The following ZNF385D variants were observed in gnomAD, a reference collection of about 807,000 sequenced individuals.
ZNF385D encodes zinc finger protein 385D, also known as zinc finger protein 659.
In ZNF385D, 15 loss-of-function variants were observed where a neutral mutation model predicts 35.8. That is an observed-to-expected ratio of 0.42 (90% CI 0.28 to 0.64). The LOEUF is 0.64. ZNF385D is among the 30% of genes least tolerant of loss of function. The pLI is 0.23. For missense variants in ZNF385D, 474 were observed against 494.6 expected (o/e 0.96, Z 0.39); for synonymous variants, 212 against 186.8 (o/e 1.13, Z -1.10).
intron 3 of ZNF385D, among the ~76,000 whole-genome samples, chr3:21,826,709 G>A (rs1034553086): frequency 6.6e-6 from 1 of 151,934 alleles, no homozygotes; most frequent in African/African-American, 2.4e-5. Flanking sequence ...CAAATAATTG[G>A]AGTCTTCCTG....
intron 2 of ZNF385D, among the ~76,000 whole-genome samples, chr3:21,574,046 G>A (rs1412391005): frequency 3.4e-5 from 4 of 118,664 alleles, no homozygotes; most frequent in Non-Finnish European, 6.8e-5. Context: ...CACAACAAGA[G>A]TGAAACTCCG....
chr3:21,771,539 A>G (rs2071078784), intron 3 of ZNF385D, among the ~76,000 whole-genome samples: 1 of 151,944 alleles, frequency 6.6e-6, no homozygotes, highest in African/African-American at 2.4e-5. Flanking sequence ...TGACAACTCT[A>G]CCAGACAAAA....
At chr3:21,893,402 G>A (rs1227917832) in intron 3 of ZNF385D, among the ~76,000 whole-genome samples, 1 of 152,054 alleles carries the variant, frequency 6.6e-6, no homozygotes, top group Non-Finnish European at 1.5e-5. Flanking sequence ...TTCTTAAATG[G>A]CACTCATGTC....
intron 3 of ZNF385D, among the ~76,000 whole-genome samples, chr3:21,992,997 T>C (rs1695235861): frequency 6.6e-6 from 1 of 152,204 alleles, no homozygotes; most frequent in South Asian, 2.1e-4. Flanking sequence ...GAATTTTCTC[T>C]CCTTTCAGAA....
intron 1 of ZNF385D, among the ~76,000 whole-genome samples, chr3:21,693,627 C>A (rs1460409601): frequency 6.6e-6 from 1 of 152,024 alleles, no homozygotes; most frequent in Non-Finnish European, 1.5e-5. Context: ...TGCTAAAATT[C>A]ATAAACCAAA....
intron 3 of ZNF385D, among the ~76,000 whole-genome samples, chr3:21,787,944 C>CAAAAAAAAAAAAAAAAAAAAAAAAAAAAA (rs560982379): frequency 1.3e-5 from 1 of 75,388 alleles, no homozygotes; most frequent in Non-Finnish European, 2.3e-5. Context: ...TTCGTCTCAA[C>CAAAAAAAAAAAAAAAAAAAAAAAAAAAAA]AAAAAAAAAA....
At chr3:21,604,922 T>A (rs1287582435) in intron 2 of ZNF385D, among the ~76,000 whole-genome samples, 1 of 152,208 alleles carries the variant, frequency 6.6e-6, no homozygotes, top group Non-Finnish European at 1.5e-5. Flanking sequence ...AATGAAATAT[T>A]TGTGGACAAA....
intron 3 of ZNF385D, among the ~76,000 whole-genome samples, chr3:21,806,856 CA>C (rs939291391): frequency 6.6e-6 from 1 of 151,922 alleles, no homozygotes; most frequent in Non-Finnish European, 1.5e-5. Context: ...CTTTGTGAAT[CA>C]AAAAAACAAA....
intron 2 of ZNF385D, among the ~76,000 whole-genome samples, chr3:22,170,331 G>C (rs1332659644): frequency 6.6e-6 from 1 of 152,162 alleles, no homozygotes; most frequent in Non-Finnish European, 1.5e-5. Context: ...TCAGGTAAAT[G>C]AGATAACAAA....
intron 2 of ZNF385D, among the ~76,000 whole-genome samples, chr3:22,321,503 C>G (rs1694429403): frequency 6.6e-6 from 1 of 151,800 alleles, no homozygotes; most frequent in Non-Finnish European, 1.5e-5. Context: ...GTAGCTGGGA[C>G]TACAGGGGCC....
chr3:22,025,605 G>A (rs931894670), intron 3 of ZNF385D, among the ~76,000 whole-genome samples: 2 of 152,114 alleles, frequency 1.3e-5, no homozygotes, highest in African/African-American at 2.4e-5. Flanking sequence ...AGTTTAAAAA[G>A]GTTCTAACAG....
In ZNF385D at chr3:21,935,002, C is replaced by A. The variant is rs77125120; in HGVS notation, c.325+233815G>T. On this transcript the variant is annotated intron_variant, in intron 3 of 5. Coordinates refer to the ZNF385D transcript ENST00000494108. ...CATTTTACTTCTGTGTCCAGTGGTA[C>A]TTAGTGCATTGGTAGCTCTTAGTTG... Among the ~76,000 whole-genome samples the A allele has an allele frequency of 2.7e-3, 410 of 152,280 alleles. 1 individual carries two copies. Among genetic ancestry groups the A allele is most frequent in the African/African-American group, 9.1e-3 (378 of 41,572 alleles).
intron 4 of ZNF385D, among the ~76,000 whole-genome samples, chr3:21,467,613 G>A (rs1703601664): frequency 6.6e-6 from 1 of 152,168 alleles, no homozygotes; most frequent in South Asian, 2.1e-4. Context: ...GATGCCTGGT[G>A]TCAATGGCAT....
At chr3:22,224,751 A>G (rs1161831627) in intron 2 of ZNF385D, among the ~76,000 whole-genome samples, 1 of 152,308 alleles carries the variant, frequency 6.6e-6, no homozygotes, top group African/African-American at 2.4e-5. Context: ...ACCTTGGGAC[A>G]CCAATTCCAG....
chr3:22,082,044 G>C (rs1162021303), intron 3 of ZNF385D, among the ~76,000 whole-genome samples: 1 of 141,880 alleles, frequency 7.0e-6, no homozygotes, highest in Non-Finnish European at 1.5e-5. Context: ...ATAACCAATA[G>C]AAATGACTTC....
At chr3:21,876,635 C>T (rs575329450) in intron 3 of ZNF385D, among the ~76,000 whole-genome samples, 9 of 151,770 alleles carry the variant, frequency 5.9e-5, no homozygotes, top group Admixed American at 3.3e-4. Flanking sequence ...AACAGCTTTT[C>T]CATAATGATT....
intron 3 of ZNF385D, among the ~76,000 whole-genome samples, chr3:21,992,740 T>C (rs1323533436): frequency 2.6e-5 from 4 of 152,186 alleles, no homozygotes; most frequent in Non-Finnish European, 5.9e-5. Context: ...CTTTAAAGTG[T>C]TCTAGTCTAT....
intron 3 of ZNF385D, among the ~76,000 whole-genome samples, chr3:21,885,770 G>T (rs1698514245): frequency 7.0e-6 from 1 of 142,666 alleles, no homozygotes; most frequent in Middle Eastern, 3.6e-3. Flanking sequence ...GTGTGTGTGT[G>T]TGTGTGTAGA....
chr3:22,358,166 A>T (rs779971726), intron 2 of ZNF385D, among the ~76,000 whole-genome samples: 1 of 151,942 alleles, frequency 6.6e-6, no homozygotes, highest in Non-Finnish European at 1.5e-5. Flanking sequence ...AGACTTTTGG[A>T]TGTGACACAA....
Sources: allele counts gnomAD v4.1 joint callset (sites outside exome capture counted in the v4.1 genomes callset), GRCh38; gene constraint gnomAD v4.1.1; transcripts MANE v1.5; gene names NCBI Gene and HGNC (gene_info 2026-07-23, HGNC 2026-07-21).